The following ANO6 variants were observed in gnomAD, a reference collection of about 807,000 sequenced individuals.
ANO6 encodes anoctamin-6.
ANO6 carries 106 observed loss-of-function variants against 117.5 expected under a neutral mutation model. The ratio of observed to expected loss-of-function variants is 0.90; its 90% CI spans 0.77 to 1.06. The LOEUF is 1.06. Among genes scored for constraint, ANO6 ranks in the 50% least tolerant of loss-of-function variants. The probability of loss-of-function intolerance (pLI) is 0.00; values close to 1 mark genes in which losing one functional copy is unlikely to be tolerated. For missense variants in ANO6, 955 were observed against 1,121.1 expected (o/e 0.85, Z 2.12); for synonymous variants, 367 against 385.1 (o/e 0.95, Z 0.55).
chr12:45,298,746 A>G (rs1282135986), intron 1 of ANO6, among the ~76,000 whole-genome samples: 1 of 152,194 alleles, frequency 6.6e-6, no homozygotes, highest in Non-Finnish European at 1.5e-5. Flanking sequence ...TCTTTCACAA[A>G]TCCATTCAAG....
intron 1 of ANO6, among the ~76,000 whole-genome samples, chr12:45,295,708 G>T (rs1423743712): frequency 1.3e-5 from 2 of 151,938 alleles, no homozygotes; most frequent in South Asian, 4.1e-4. Flanking sequence ...TTACAGGCAT[G>T]TACCACTATG....
chr12:45,295,571 T>G (rs960485607), intron 1 of ANO6, among the ~76,000 whole-genome samples: 1 of 152,190 alleles, frequency 6.6e-6, no homozygotes, highest in Admixed American at 6.5e-5. Flanking sequence ...GTTTTGTTTT[T>G]GAGACAGAGT....
At chr12:45,298,930 C>G (rs183031646) in intron 1 of ANO6, among the ~76,000 whole-genome samples, 209 of 151,904 alleles carry the variant, frequency 1.4e-3, no homozygotes, top group African/African-American at 4.8e-3. Flanking sequence ...ATCTAATCAT[C>G]TAGGAATCTA....
At chr12:45,315,015 T>C (rs1417473934) in intron 2 of ANO6, among the ~76,000 whole-genome samples, 1 of 151,922 alleles carries the variant, frequency 6.6e-6, no homozygotes, top group Non-Finnish European at 1.5e-5. Flanking sequence ...GGAGAGGATG[T>C]TGGAAAGATA....
chr12:45,307,382 G>A (rs1452491711), intron 2 of ANO6, among the ~76,000 whole-genome samples: 1 of 152,122 alleles, frequency 6.6e-6, no homozygotes, highest in Non-Finnish European at 1.5e-5. Flanking sequence ...AGAAGCAATA[G>A]AATTTGTTGA....
chr12:45,318,389 C>T (rs1940127795), intron 2 of ANO6, among the ~76,000 whole-genome samples: 1 of 152,146 alleles, frequency 6.6e-6, no homozygotes, highest in South Asian at 2.1e-4. Flanking sequence ...GAATCCTTTC[C>T]CCATTGCTTG....
intron 1 of ANO6, chr12:45,270,561 T>C (rs1035375200): frequency 2.0e-5 from 13 of 666,248 alleles, no homozygotes; most frequent in Non-Finnish European, 2.9e-5. Flanking sequence ...ACAGCATCCT[T>C]CCTTCTTTTT....
At chr12:45,238,665 T>C (rs1360681641) in intron 1 of ANO6, among the ~76,000 whole-genome samples, 2 of 152,218 alleles carry the variant, frequency 1.3e-5, no homozygotes, top group African/African-American at 4.8e-5. Flanking sequence ...CAGTATGATA[T>C]TGGCTGTGGG....
At chr12:45,248,089 A>T (rs1947851591) in intron 1 of ANO6, among the ~76,000 whole-genome samples, 1 of 152,272 alleles carries the variant, frequency 6.6e-6, no homozygotes, top group African/African-American at 2.4e-5. Context: ...TGACTTGGAT[A>T]TAACAATGAG....
intron 9 of ANO6, among the ~76,000 whole-genome samples, chr12:45,371,223 C>A (rs1442598116): frequency 6.6e-6 from 1 of 152,232 alleles, no homozygotes; most frequent in African/African-American, 2.4e-5. Context: ...CCCATGGAGT[C>A]TCACTGATTG....
At chr12:45,306,290 T>G (rs936010869) in intron 2 of ANO6, among the ~76,000 whole-genome samples, 4 of 152,140 alleles carry the variant, frequency 2.6e-5, no homozygotes. Flanking sequence ...ACCGAGGATG[T>G]TTTTCATTGC....
chr12:45,433,002 T>C (rs1943665198), downstream of ANO6, among the ~76,000 whole-genome samples: 1 of 152,208 alleles, frequency 6.6e-6, no homozygotes, highest in Non-Finnish European at 1.5e-5. Context: ...TCTCTCCAGT[T>C]ACAATCCAGG....
At chr12:45,407,089 C>T (rs2137648474) in intron 15 of ANO6, among the ~76,000 whole-genome samples, 1 of 152,282 alleles carries the variant, frequency 6.6e-6, no homozygotes, top group Admixed American at 6.5e-5. Flanking sequence ...CAAGATTGAG[C>T]TCCCTGCACT....
intron 10 of ANO6, among the ~76,000 whole-genome samples, chr12:45,378,438 G>T (rs1317138372): frequency 2.0e-5 from 3 of 152,100 alleles, no homozygotes; most frequent in Non-Finnish European, 4.4e-5. Flanking sequence ...AGATGATCTT[G>T]CAACTAGAAA....
At chr12:45,217,787 G>A (rs981359413) in intron 1 of ANO6, among the ~76,000 whole-genome samples, 1 of 152,156 alleles carries the variant, frequency 6.6e-6, no homozygotes, top group African/African-American at 2.4e-5. Context: ...TAAAAATATA[G>A]GAGTGAAATT....
intron 2 of ANO6, among the ~76,000 whole-genome samples, chr12:45,314,474 TACACACAC>T (rs56187528): frequency 6.9e-6 from 1 of 144,856 alleles, no homozygotes; most frequent in African/African-American, 2.5e-5. Context: ...ATATTATATA[TACACACAC>T]ACACACACAC....
At chr12:45,342,660 G>A (rs1941013180) in intron 3 of ANO6, among the ~76,000 whole-genome samples, 1 of 152,138 alleles carries the variant, frequency 6.6e-6, no homozygotes, top group Non-Finnish European at 1.5e-5. Context: ...GGCTTAACAG[G>A]CAGTCATCGA....
chr12:45,403,874 A>G (rs562450845), intron 15 of ANO6, among the ~76,000 whole-genome samples: 44 of 152,122 alleles, frequency 2.9e-4, no homozygotes, highest in Non-Finnish European at 4.9e-4. Flanking sequence ...TATTTCCACA[A>G]TTTCTTATAT....
chr12:45,286,549 A>G (rs551101898), intron 1 of ANO6, among the ~76,000 whole-genome samples: 1 of 152,366 alleles, frequency 6.6e-6, no homozygotes, highest in African/African-American at 2.4e-5. Flanking sequence ...GTATTAGACC[A>G]AATTTACATA....
Sources: gnomAD v4.1 joint callset for allele counts (sites outside exome capture counted in the v4.1 genomes callset) on GRCh38, gnomAD v4.1.1 for gene constraint, MANE v1.5 for transcripts, NCBI Gene and HGNC (gene_info 2026-07-23, HGNC 2026-07-21) for gene names.